NGEF: variants seen among roughly 807,000 people sequenced by gnomAD.
NGEF encodes ephexin-1.
In NGEF, 31 loss-of-function variants were observed where a neutral mutation model predicts 80.9. The ratio of observed to expected loss-of-function variants is 0.38; its 90% CI spans 0.29 to 0.52. The LOEUF (loss-of-function observed/expected upper bound fraction) is 0.52, where lower values mean the gene tolerates loss of function less well. Ranked by LOEUF, NGEF falls within the 20% of genes least tolerant of loss-of-function variation. The pLI, the probability that NGEF is intolerant of heterozygous loss-of-function variation, is 0.84. For synonymous variants in NGEF, 371 were observed against 370.2 expected (o/e 1.00, Z -0.03); for missense variants, 709 against 926.2 (o/e 0.77, Z 3.04).
chr2:232,968,093 C>CTTTTTTTTTTTTTTTTTTTT (rs1274944227), intron 3 of NGEF, among the ~76,000 whole-genome samples: 2,130 of 125,066 alleles, frequency 0.017, 183 homozygotes, highest in African/African-American at 0.025. Context: ...ACAGACCTGG[C>CTTTTTTTTTTTTTTTTTTTT]TTTTTTTTTT....
intron 2 of NGEF, 61 bp downstream of exon 2, chr2:232,974,562 A>C: frequency 1.3e-6 from 2 of 1,557,662 alleles, no homozygotes; most frequent in Middle Eastern, 1.8e-4. Context: ...AGGACCTTTC[A>C]GCACTGATGA....
chr2:232,906,216 TG>T (rs1176714112), intron 5 of NGEF, among the ~76,000 whole-genome samples: 73 of 5,288 alleles, frequency 0.014, 11 homozygotes, highest in South Asian at 0.027. Flanking sequence ...GGGAAGGAGG[TG>T]GGGGGGGGTC....
At chr2:232,907,159 TAA>T (rs1181408500) in intron 5 of NGEF, among the ~76,000 whole-genome samples, 2 of 25,848 alleles carry the variant, frequency 7.7e-5, no homozygotes, top group African/African-American at 1.3e-4. Context: ...AATGATCAAT[TAA>T]AAAAAAAAAA....
chr2:232,988,494 G>A (rs1694584852), intron 1 of NGEF, among the ~76,000 whole-genome samples: 1 of 152,226 alleles, frequency 6.6e-6, no homozygotes, highest in Admixed American at 6.5e-5. Flanking sequence ...GCAGCCAAGG[G>A]CAGCAGGCAG....
At position 232,946,672 on chromosome 2, in the gene NGEF, T is replaced by G. The variant is rs571084468; in HGVS notation, c.384-19486A>C. On this transcript the variant is annotated intron_variant, in intron 3 of 14. Transcript: ENST00000264051. The stretch of plus-strand genomic sequence containing the variant: ...TCCACTAAATGGAGCTAGGGCTCCT[T>G]GGAAAAATGGCTGATTCCATGTCTG... Among the ~76,000 whole-genome samples the G allele has an allele frequency of 3.3e-5, 5 of 152,266 alleles. No individual in the cohort carries two copies. In the South Asian group the frequency reaches 1.0e-3, roughly 32 times the overall value.
At chr2:232,890,736 G>C (rs1691855561) in intron 8 of NGEF, among the ~76,000 whole-genome samples, 2 of 152,048 alleles carry the variant, frequency 1.3e-5, no homozygotes, top group African/African-American at 4.8e-5. Context: ...CCACAGGCCA[G>C]TGTAACCCCT....
intron 5 of NGEF, among the ~76,000 whole-genome samples, chr2:232,909,503 T>TA (rs1443936949): frequency 6.6e-6 from 1 of 152,228 alleles, no homozygotes. Context: ...GGGTAACACT[T>TA]ATTTTGTTAG....
chr2:232,987,039 CA>C (rs1694545967), intron 1 of NGEF, among the ~76,000 whole-genome samples: 1 of 151,660 alleles, frequency 6.6e-6, no homozygotes, highest in Non-Finnish European at 1.5e-5. Flanking sequence ...TTTTTTGAGA[CA>C]GAGTCTCACT....
rs138962846 is a variant in NGEF, at chr2:232,883,188, C to G, written c.1757+123G>C. ...GCAGGGTCTGGACGGGAAGGATGGG[C>G]AGGTCGGCTCCACACAGAGCGTGTG... is the stretch of plus-strand genomic sequence containing the variant. On this transcript the variant is annotated intron_variant, in intron 12 of 14. Coordinates refer to ENST00000264051, the MANE Select transcript of NGEF (RefSeq NM_019850.3). 4.4e-4 allele frequency: 529 copies of G among 1,210,314 alleles called. 1 individual carries two copies. In the African/African-American group the frequency reaches 7.5e-3, roughly 17 times the overall value. 75.0% of individuals were successfully genotyped at this position (1,210,314 alleles called of 1,614,324 possible). A position where few individuals can be genotyped will look rare whatever the true frequency, so the allele number is the denominator to read the frequency against.
Position 233,009,637 on chromosome 2 carries a change from GA to G in NGEF, c.-75+3430del, listed in dbSNP as rs113963502. 4.7e-3 allele frequency among the ~76,000 whole-genome samples: 672 copies of G among 144,446 alleles called. 8 individuals are homozygous for G. The highest frequency in any genetic ancestry group is 0.014 in the African/African-American group (554 of 39,204). The allele number at this position is 144,446 out of a possible 152,430, so 94.8% of individuals were successfully genotyped here. A position where few individuals can be genotyped will look rare whatever the true frequency, so the allele number is the denominator to read the frequency against. ...AAGATGGTGAGAACCCATCTCTACAGAAAAAAAAAAAAAGTAAAACTCCTGG... is the reference window on the plus strand; with the variant it reads ...AAGATGGTGAGAACCCATCTCTACAGAAAAAAAAAAAAGTAAAACTCCTGG... On this transcript the variant is annotated intron_variant, in intron 1 of 14. Coordinates refer to ENST00000264051, the MANE Select transcript of NGEF (RefSeq NM_019850.3).
rs1253882959 is a variant in NGEF, at chr2:232,906,361, C to T, written c.829-11445G>A. On this transcript the variant is annotated intron_variant, in intron 5 of 14. Coordinates refer to ENST00000264051, the MANE Select transcript of NGEF (RefSeq NM_019850.3). ...GAGGGAGGTGGGGGGGGTCAGCCCC[C>T]CGCCCGGCCAGCCGCCCCGTCCGGG... Among the ~76,000 whole-genome samples the T allele has an allele frequency of 1.5e-5, 2 of 136,522 alleles. 1 individual carries two copies. The highest frequency in any genetic ancestry group is 3.2e-5 in the Non-Finnish European group (2 of 61,728). The allele number at this position is 136,522 out of a possible 152,430, so 89.6% of individuals were successfully genotyped here.
intron 14 of NGEF, 119 bp from the exon 15 acceptor site, chr2:232,879,798 TCCCA>T: frequency 1.1e-6 from 1 of 908,528 alleles, no homozygotes; most frequent in Non-Finnish European, 1.6e-6. Context: ...AGCTGGCCTT[TCCCA>T]AAAGGCAGCG....
intron 4 of NGEF, among the ~76,000 whole-genome samples, chr2:232,924,954 T>C (rs1013971739): frequency 1.3e-5 from 2 of 152,254 alleles, no homozygotes; most frequent in African/African-American, 4.8e-5. Context: ...TTCATTTTTA[T>C]TTGCCTTAAA....
chr2:232,894,272 A>G (rs993142096), intron 6 of NGEF, among the ~76,000 whole-genome samples: 1 of 152,228 alleles, frequency 6.6e-6, no homozygotes, highest in African/African-American at 2.4e-5. Context: ...AGCTGTGGAA[A>G]ACGCACTCAG....
At chr2:232,924,403 AC>A (rs1693015882) in intron 4 of NGEF, among the ~76,000 whole-genome samples, 1 of 151,828 alleles carries the variant, frequency 6.6e-6, no homozygotes, top group African/African-American at 2.4e-5. Flanking sequence ...GGACTTCCCA[AC>A]CTCCAGAACT....
intron 5 of NGEF, among the ~76,000 whole-genome samples, chr2:232,904,050 C>A (rs1692431093): frequency 2.0e-5 from 3 of 152,158 alleles, no homozygotes; most frequent in Admixed American, 6.5e-5. Flanking sequence ...CAAGACCCAG[C>A]ATCTACCGAA....
In NGEF at chr2:232,879,436, C is replaced by CCCCCCCT; in HGVS notation, c.*52_*53insAGGGGGG. 3 of 1,460,014 alleles carry CCCCCCCT rather than the reference C, an allele frequency of 2.1e-6. No individual in the cohort carries two copies. The highest frequency in any genetic ancestry group is 1.4e-5 in the African/African-American group (1 of 71,062). The allele number at this position is 1,460,014 out of a possible 1,614,324, so 90.4% of individuals were successfully genotyped here. A position where few individuals can be genotyped will look rare whatever the true frequency, so the allele number is the denominator to read the frequency against. Reference sequence around the variant, plus strand: ...CTTCCCAGAGCCCCCCCCCCCCCACCTTCTGTCGGGGTCTCATGCAGGCCC... The same window carrying CCCCCCCT: ...CTTCCCAGAGCCCCCCCCCCCCCACCCCCCCCTTTCTGTCGGGGTCTCATGCAGGCCC... On this transcript the variant is annotated 3_prime_UTR_variant, in exon 15 of 15. Coordinates refer to ENST00000264051, the MANE Select transcript of NGEF (RefSeq NM_019850.3).
At chr2:233,012,690 GTGT>G (rs1254683105) in intron 1 of NGEF, 2 of 373,630 alleles carry the variant, frequency 5.4e-6, no homozygotes, top group African/African-American at 2.1e-5. Flanking sequence ...CTTTAATGCT[GTGT>G]TGTTGTCCTT....
intron 3 of NGEF, among the ~76,000 whole-genome samples, chr2:232,966,330 G>A (rs568960070): frequency 6.6e-6 from 1 of 152,164 alleles, no homozygotes; most frequent in Admixed American, 6.5e-5. Flanking sequence ...TTTCAAATCA[G>A]TTCACAGCTG....
Sources: allele counts gnomAD v4.1 joint callset (sites outside exome capture counted in the v4.1 genomes callset), GRCh38; gene constraint gnomAD v4.1.1; transcripts MANE v1.5; gene names NCBI Gene and HGNC (gene_info 2026-07-23, HGNC 2026-07-21).